The following THSD7B variants were observed in gnomAD, a reference collection of about 807,000 sequenced individuals.
The protein encoded by THSD7B is thrombospondin type-1 domain-containing protein 7B.
In THSD7B, 138 loss-of-function variants were observed where a neutral mutation model predicts 213.6. The ratio of observed to expected loss-of-function variants is 0.65; its 90% CI spans 0.56 to 0.74. The LOEUF is 0.74. Among genes scored for constraint, THSD7B ranks in the 30% least tolerant of loss-of-function variants. THSD7B has a pLI of 0.00. For synonymous variants in THSD7B, 742 were observed against 687.0 expected (o/e 1.08, Z -1.25); for missense variants, 1,931 against 1,991.5 (o/e 0.97, Z 0.58).
chr2:137,666,976 A>T (rs1327713779), intron 26 of THSD7B, among the ~76,000 whole-genome samples: 2 of 152,094 alleles, frequency 1.3e-5, no homozygotes. Context: ...GAATTGATTA[A>T]CTTGTTTGGT....
At chr2:137,405,852 C>T in intron 13 of THSD7B, 45 bp downstream of exon 13, 1 of 1,516,160 alleles carries the variant, frequency 6.6e-7, no homozygotes, top group East Asian at 2.4e-5. Flanking sequence ...AGCTGAACAT[C>T]TCTGGATCTT....
chr2:137,052,525 A>C (rs891611373), intron 2 of THSD7B, among the ~76,000 whole-genome samples: 4 of 152,058 alleles, frequency 2.6e-5, no homozygotes, highest in African/African-American at 9.7e-5. Flanking sequence ...ATTATTTGTG[A>C]ATACTGTTAA....
intron 5 of THSD7B, among the ~76,000 whole-genome samples, chr2:137,118,424 A>T (rs1218944684): frequency 6.6e-6 from 1 of 152,226 alleles, no homozygotes; most frequent in African/African-American, 2.4e-5. Context: ...CAACAAATAT[A>T]AATTTAAGTG....
At chr2:136,902,170 G>A (rs1402474157) in intron 2 of THSD7B, among the ~76,000 whole-genome samples, 1 of 152,124 alleles carries the variant, frequency 6.6e-6, no homozygotes, top group Non-Finnish European at 1.5e-5. Context: ...ATCATTAAAG[G>A]GTCTAAAGCT....
At chr2:137,459,816 A>T (rs1687848495) in intron 15 of THSD7B, among the ~76,000 whole-genome samples, 1 of 152,152 alleles carries the variant, frequency 6.6e-6, no homozygotes, top group African/African-American at 2.4e-5. Context: ...TTACAAAAAC[A>T]GCTTTCCAGG....
intron 7 of THSD7B, among the ~76,000 whole-genome samples, chr2:137,173,649 G>A (rs113025963): frequency 8.5e-5 from 13 of 152,310 alleles, no homozygotes; most frequent in South Asian, 2.1e-4. Flanking sequence ...CTCCCTCATC[G>A]TTTGTGGGGC....
intron 17 of THSD7B, among the ~76,000 whole-genome samples, chr2:137,608,972 T>G (rs758598779): frequency 6.7e-4 from 102 of 152,224 alleles, no homozygotes; most frequent in Non-Finnish European, 1.3e-3. Context: ...TAAAATGCAT[T>G]AATGATAAGA....
intron 1 of THSD7B, among the ~76,000 whole-genome samples, chr2:136,823,072 A>G (rs1307873132): frequency 5.9e-5 from 9 of 152,226 alleles, no homozygotes; most frequent in Non-Finnish European, 4.4e-5. Flanking sequence ...AATGATAGGC[A>G]CAGCACACGC....
At chr2:137,005,872 G>A (rs2104829181) in intron 2 of THSD7B, among the ~76,000 whole-genome samples, 1 of 152,234 alleles carries the variant, frequency 6.6e-6, no homozygotes, top group African/African-American at 2.4e-5. Flanking sequence ...CTGGATTGGA[G>A]GGAAAACTCA....
At chr2:137,457,426 C>T (rs1271189306) in intron 15 of THSD7B, among the ~76,000 whole-genome samples, 2 of 152,184 alleles carry the variant, frequency 1.3e-5, no homozygotes, top group Non-Finnish European at 2.9e-5. Context: ...TCAGGATTGG[C>T]TGGAGACAGC....
intron 20 of THSD7B, among the ~76,000 whole-genome samples, chr2:137,630,104 C>G (rs1041630145): frequency 2.6e-5 from 4 of 152,084 alleles, no homozygotes; most frequent in Non-Finnish European, 5.9e-5. Flanking sequence ...AGCAGTCCTC[C>G]CTCTTCAGCC....
chr2:136,991,877 C>A (rs1357174776), intron 2 of THSD7B, among the ~76,000 whole-genome samples: 1 of 152,254 alleles, frequency 6.6e-6, no homozygotes, highest in East Asian at 1.9e-4. Flanking sequence ...ACTTTGAATG[C>A]CAAACTGCAA....
intron 1 of THSD7B, among the ~76,000 whole-genome samples, chr2:136,836,147 T>C (rs1682839055): frequency 6.6e-6 from 1 of 152,190 alleles, no homozygotes; most frequent in African/African-American, 2.4e-5. Flanking sequence ...GTGTAAGCCA[T>C]TTTGGAAATA....
chr2:137,100,588 C>T (rs184456897), intron 4 of THSD7B, among the ~76,000 whole-genome samples: 256 of 152,110 alleles, frequency 1.7e-3, no homozygotes, highest in African/African-American at 6.0e-3. Context: ...GTTTCCTTTT[C>T]CTTAGAAAGA....
intron 25 of THSD7B, among the ~76,000 whole-genome samples, chr2:137,662,039 C>T (rs1027319943): frequency 1.3e-5 from 2 of 151,130 alleles, no homozygotes; most frequent in African/African-American, 4.9e-5. Context: ...TACTGATCAC[C>T]AGCTTCAGGT....
At chr2:136,920,616 T>C (rs1363860026) in intron 2 of THSD7B, among the ~76,000 whole-genome samples, 1 of 152,212 alleles carries the variant, frequency 6.6e-6, no homozygotes, top group East Asian at 1.9e-4. Context: ...ACTGGCAGCC[T>C]GGCCCCCAAA....
chr2:136,778,731 C>T (rs2104904281), intron 1 of THSD7B, among the ~76,000 whole-genome samples: 1 of 152,222 alleles, frequency 6.6e-6, no homozygotes, highest in Admixed American at 6.5e-5. Context: ...CAGAAACCGT[C>T]ACCTTAAGGA....
intron 12 of THSD7B, among the ~76,000 whole-genome samples, chr2:137,335,146 T>A (rs770874666): frequency 7.9e-5 from 12 of 152,220 alleles, no homozygotes; most frequent in Non-Finnish European, 1.5e-4. Context: ...AACTTTGTAT[T>A]TCTATGGGAA....
chr2:137,526,677 G>A (rs1422440518), intron 15 of THSD7B, among the ~76,000 whole-genome samples: 1 of 152,130 alleles, frequency 6.6e-6, no homozygotes, highest in South Asian at 2.1e-4. Context: ...ATCCACCTTA[G>A]CCTCCCAAAG....
Sources: gnomAD v4.1 joint callset for allele counts (sites outside exome capture counted in the v4.1 genomes callset) on GRCh38, gnomAD v4.1.1 for gene constraint, MANE v1.5 for transcripts, NCBI Gene and HGNC (gene_info 2026-07-23, HGNC 2026-07-21) for gene names.